Variants in PALM2AKAP2 observed in about 807,000 individuals in gnomAD.
PALM2AKAP2 encodes the protein PALM2 and AKAP2 fusion, also known as PALM2-AKAP2 fusion protein.
Under a neutral mutation model 71.5 loss-of-function variants are expected in PALM2AKAP2, and 37 were observed. The observed-to-expected ratio is 0.52, with a 90% CI of 0.40 to 0.68. The LOEUF is 0.68. PALM2AKAP2 is among the 30% of genes least tolerant of loss of function. PALM2AKAP2 has a pLI of 0.00. For missense variants in PALM2AKAP2, 1,224 were observed against 1,191.8 expected (o/e 1.03, Z -0.40); for synonymous variants, 468 against 478.8 (o/e 0.98, Z 0.29).
At chr9:109,872,465 G>A (rs113562892) in intron 2 of PALM2AKAP2, among the ~76,000 whole-genome samples, 1,884 of 152,198 alleles carry the variant, frequency 0.012, 41 homozygotes, top group African/African-American at 0.043. Context: ...TATTTACAAA[G>A]GTTTGCCTGA....
intron 3 of PALM2AKAP2, among the ~76,000 whole-genome samples, chr9:109,894,043 A>AG (rs201694124): frequency 3.6e-4 from 54 of 150,998 alleles, no homozygotes; most frequent in South Asian, 1.3e-3. Flanking sequence ...AAAAAAAAAA[A>AG]AAGAAGCATC....
rs188290114 is a variant in PALM2AKAP2, at chr9:110,145,102, T to C, written c.2569+6563T>C. ...CTTATGCCCAACCCCTGCATTTTCCTGGGTCCTTCTTGATCCTCCTTTTAG... is the reference window on the plus strand; with the variant it reads ...CTTATGCCCAACCCCTGCATTTTCCCGGGTCCTTCTTGATCCTCCTTTTAG... On this transcript the variant is annotated intron_variant, in intron 2 of 3. Transcript: ENST00000374525. Among the ~76,000 whole-genome samples the C allele has an allele frequency of 1.1e-4, 16 of 152,330 alleles. No individual in the cohort carries two copies. The East Asian group carries it at 3.1e-3, about 29-fold the overall frequency.
intron 1 of PALM2AKAP2, among the ~76,000 whole-genome samples, chr9:109,703,801 T>C (rs1402858136): frequency 1.3e-5 from 2 of 148,792 alleles, no homozygotes; most frequent in Non-Finnish European, 3.0e-5. Flanking sequence ...GTAAAAAAAT[T>C]AACCTACTTG....
chr9:110,013,363 C>T (rs983139472), intron 6 of PALM2AKAP2, among the ~76,000 whole-genome samples: 3 of 152,180 alleles, frequency 2.0e-5, no homozygotes, highest in African/African-American at 7.2e-5. Flanking sequence ...AGTGAAGTAT[C>T]ATCTGATTGT....
intron 1 of PALM2AKAP2, among the ~76,000 whole-genome samples, chr9:110,091,031 C>T (rs1343479906): frequency 6.6e-6 from 1 of 151,682 alleles, no homozygotes; most frequent in Non-Finnish European, 1.5e-5. Context: ...TAAAGAATGG[C>T]CTTAGGGTTT....
chr9:109,661,466 A>T (rs1235743579), intron 1 of PALM2AKAP2, among the ~76,000 whole-genome samples: 1 of 152,136 alleles, frequency 6.6e-6, no homozygotes, highest in African/African-American at 2.4e-5. Flanking sequence ...CAAAGATCAG[A>T]TGGTTGTAGA....
chr9:109,676,166 C>T (rs996292067), intron 1 of PALM2AKAP2, among the ~76,000 whole-genome samples: 2 of 152,288 alleles, frequency 1.3e-5, no homozygotes, highest in African/African-American at 4.8e-5. Flanking sequence ...AGAGGTAGAG[C>T]AAGAGTTCCT....
upstream of PALM2AKAP2, among the ~76,000 whole-genome samples, chr9:110,044,344 C>CTTTTTTTTTTTTTTTTTTTTT (rs57314430): frequency 9.5e-4 from 76 of 80,140 alleles, no homozygotes; most frequent in African/African-American, 1.3e-3. Flanking sequence ...TTCTTTCTTT[C>CTTTTTTTTTTTTTTTTTTTTT]TTTTTTTTTT....
chr9:109,801,124 C>A (rs1043200302), intron 1 of PALM2AKAP2, among the ~76,000 whole-genome samples: 3 of 152,234 alleles, frequency 2.0e-5, no homozygotes, highest in African/African-American at 7.2e-5. Flanking sequence ...TACACACCTT[C>A]AGTTGCCGTG....
At chr9:110,042,616 G>A (rs1041406415) in intron 7 of PALM2AKAP2, among the ~76,000 whole-genome samples, 1 of 152,148 alleles carries the variant, frequency 6.6e-6, no homozygotes, top group African/African-American at 2.4e-5. Flanking sequence ...GGAATTAATT[G>A]ACTAAATATC....
chr9:110,033,327 T>C (rs546443881), intron 7 of PALM2AKAP2, among the ~76,000 whole-genome samples: 1 of 152,324 alleles, frequency 6.6e-6, no homozygotes, highest in East Asian at 1.9e-4. Flanking sequence ...TTCCAAACCT[T>C]TCTCCTTTGT....
At chr9:109,827,342 G>A (rs1486468498) in intron 1 of PALM2AKAP2, among the ~76,000 whole-genome samples, 1 of 152,176 alleles carries the variant, frequency 6.6e-6, no homozygotes, top group African/African-American at 2.4e-5. Context: ...ATGGCCAGAC[G>A]CGGTGGCTCA....
chr9:109,778,407 T>C (rs1650833724), upstream of PALM2AKAP2, among the ~76,000 whole-genome samples: 1 of 151,814 alleles, frequency 6.6e-6, no homozygotes, highest in African/African-American at 2.4e-5. Context: ...TGTTTATTTG[T>C]GAGCAAACCC....
At chr9:110,168,343 T>G in intron 3 of PALM2AKAP2, 56 bp from the exon 11 acceptor site, 1 of 1,578,680 alleles carries the variant, frequency 6.3e-7, no homozygotes, top group Non-Finnish European at 8.6e-7. Context: ...GAAGTCGGTT[T>G]ATGTTCATAA....
intron 1 of PALM2AKAP2, among the ~76,000 whole-genome samples, chr9:109,672,231 C>T (rs1289632218): frequency 6.6e-6 from 1 of 152,120 alleles, no homozygotes; most frequent in Non-Finnish European, 1.5e-5. Context: ...ATGATATTGG[C>T]TGTGGGTTTG....
At chr9:109,867,515 A>C in exon 2 of PALM2AKAP2, 7 of 1,612,978 alleles carry the variant, frequency 4.3e-6, no homozygotes, top group Non-Finnish European at 5.9e-6. Context: ...GCAGACTGAA[A>C]TAGAAGGCAA....
chr9:109,913,421 G>T (rs951216603), intron 3 of PALM2AKAP2, among the ~76,000 whole-genome samples: 1 of 152,222 alleles, frequency 6.6e-6, no homozygotes, highest in Non-Finnish European at 1.5e-5. Flanking sequence ...ATTGTGCAAG[G>T]AGTAGAAACT....
chr9:109,891,108 G>A (rs1830078761), intron 3 of PALM2AKAP2, among the ~76,000 whole-genome samples: 1 of 152,168 alleles, frequency 6.6e-6, no homozygotes, highest in South Asian at 2.1e-4. Context: ...TACAGCATGG[G>A]GCTGCCAGCT....
At chr9:109,969,653 G>T (rs1475284037) in intron 6 of PALM2AKAP2, among the ~76,000 whole-genome samples, 2 of 152,176 alleles carry the variant, frequency 1.3e-5, no homozygotes, top group Non-Finnish European at 2.9e-5. Context: ...GGTTTTCAGA[G>T]CCCCTTCAGG....
Sources: gnomAD v4.1 joint callset for allele counts (sites outside exome capture counted in the v4.1 genomes callset) on GRCh38, gnomAD v4.1.1 for gene constraint, MANE v1.5 for transcripts, NCBI Gene and HGNC (gene_info 2026-07-23, HGNC 2026-07-21) for gene names.